HACD2: variants seen among roughly 807,000 people sequenced by gnomAD.
HACD2 encodes 3-hydroxyacyl-CoA dehydratase 2, also known as very-long-chain (3R)-3-hydroxyacyl-CoA dehydratase 2.
HACD2 carries 15 observed loss-of-function variants against 31.0 expected under a neutral mutation model. The ratio of observed to expected loss-of-function variants is 0.48; its 90% CI spans 0.32 to 0.75. HACD2 has a LOEUF of 0.75. Among genes scored for constraint, HACD2 ranks in the 30% least tolerant of loss-of-function variants. The pLI is 0.03. For synonymous variants in HACD2, 115 were observed against 122.2 expected, an observed-to-expected ratio of 0.94 and a Z score of 0.39; for missense variants, 283 against 313.0, an observed-to-expected ratio of 0.90 and a Z score of 0.72.
chr3:123,556,867 T>C (rs2056678010), intron 3 of HACD2, among the ~76,000 whole-genome samples: 1 of 152,204 alleles, frequency 6.6e-6, no homozygotes, highest in Admixed American at 6.5e-5. Context: ...CATTTGTCAT[T>C]AGAGAAATAA....
In HACD2 at chr3:123,582,201, T is replaced by C; in HGVS notation, c.273+11A>G. On this transcript the variant is annotated intron_variant, in intron 2 of 6. Transcript: ENST00000383657. ...TGGAAATCAATAACAACAATAAATC[T>C]CAGGACCTACCTCCAATAAGGCTCC... The C allele has an allele frequency of 3.3e-6, 5 of 1,515,706 alleles. No homozygotes were observed. Among genetic ancestry groups the C allele is most frequent in the Non-Finnish European group, 4.5e-6 (5 of 1,110,124 alleles). 93.9% of individuals were successfully genotyped at this position (1,515,706 alleles called of 1,614,324 possible).
At chr3:123,524,291 A>G (rs2056251821) in intron 4 of HACD2, among the ~76,000 whole-genome samples, 1 of 152,242 alleles carries the variant, frequency 6.6e-6, no homozygotes. Flanking sequence ...TATCAAGTGT[A>G]AGGTGGGTCC....
At chr3:123,510,309 C>T (rs1212662799) in intron 4 of HACD2, among the ~76,000 whole-genome samples, 2 of 152,150 alleles carry the variant, frequency 1.3e-5, no homozygotes, top group African/African-American at 4.8e-5. Flanking sequence ...GTGCAGTGGT[C>T]CAATCTCGGC....
chr3:123,540,962 G>T (rs1249876843), intron 3 of HACD2, among the ~76,000 whole-genome samples: 1 of 152,030 alleles, frequency 6.6e-6, no homozygotes, highest in Non-Finnish European at 1.5e-5. Context: ...ACTTTTTTAT[G>T]CAAAGCTTTT....
chr3:123,505,524 A>C (rs944900045), intron 4 of HACD2, among the ~76,000 whole-genome samples: 18 of 152,256 alleles, frequency 1.2e-4, no homozygotes, highest in Non-Finnish European at 2.2e-4. Flanking sequence ...ATGACTCCAG[A>C]TCAGAATGGA....
intron 3 of HACD2, among the ~76,000 whole-genome samples, chr3:123,532,395 C>T (rs188837750): frequency 6.6e-6 from 1 of 152,318 alleles, no homozygotes; most frequent in Non-Finnish European, 1.5e-5. Context: ...AATGCCTGCT[C>T]TACTGGACCA....
intron 3 of HACD2, among the ~76,000 whole-genome samples, chr3:123,566,291 T>G (rs1340024990): frequency 1.3e-5 from 2 of 152,082 alleles, no homozygotes; most frequent in Admixed American, 6.5e-5. Flanking sequence ...TAAATCCTTT[T>G]TTTTTTATTT....
chr3:123,562,577 A>G (rs1559929797), intron 3 of HACD2, among the ~76,000 whole-genome samples: 2 of 152,166 alleles, frequency 1.3e-5, no homozygotes, highest in Non-Finnish European at 2.9e-5. Context: ...TTATTGGGCA[A>G]TTTTCAATAC....
intron 4 of HACD2, among the ~76,000 whole-genome samples, chr3:123,507,388 GAT>G (rs147698446): frequency 1.3e-5 from 2 of 151,580 alleles, no homozygotes; most frequent in Non-Finnish European, 2.9e-5. Flanking sequence ...AACGACAAGT[GAT>G]ATATATATAT....
intron 4 of HACD2, among the ~76,000 whole-genome samples, chr3:123,509,750 C>T (rs554934127): frequency 7.9e-5 from 12 of 152,156 alleles, no homozygotes; most frequent in East Asian, 2.0e-4. Context: ...CCGCCCGCCT[C>T]GGCCTCCTAA....
rs973311076 is a variant in HACD2 at position 123,585,042 on chromosome 3, G to A, written c.-15C>T. 3 of 1,461,338 alleles carry A rather than the reference G, an allele frequency of 2.1e-6. No homozygotes were observed. The highest frequency in any genetic ancestry group is 1.4e-5 in the South Asian group (1 of 74,036). 90.5% of individuals were successfully genotyped at this position (1,461,338 alleles called of 1,614,324 possible). ...ACTGCCGCCATGTCAAGTGCCCGAA[G>A]CCCGCTCTCCTAGCGCGAGCGGCTC... On this transcript the variant is annotated 5_prime_UTR_variant, in exon 1 of 7. Transcript: ENST00000383657.
rs2056859726 is a variant in HACD2, at chr3:123,571,938, G to T, written c.274-4158C>A. Among the ~76,000 whole-genome samples the T allele has an allele frequency of 2.6e-5, 4 of 152,090 alleles. No individual in the cohort carries two copies. In the South Asian group the frequency reaches 8.3e-4, roughly 32 times the overall value. ...AATGGTCCATTTATATTTGTAGAGG[G>T]GTTGGCCTGGGGAGATATGCAGAAG... On this transcript the variant is annotated intron_variant, in intron 2 of 6. Coordinates refer to ENST00000383657, the MANE Select transcript of HACD2 (RefSeq NM_198402.5).
At chr3:123,529,503 T>C (rs1028881491) in intron 3 of HACD2, among the ~76,000 whole-genome samples, 2 of 152,184 alleles carry the variant, frequency 1.3e-5, no homozygotes, top group African/African-American at 4.8e-5. Context: ...AGCAGGAGAA[T>C]TGCTTGAGTC....
chr3:123,527,315 A>G (rs1318885152), intron 4 of HACD2, among the ~76,000 whole-genome samples: 1 of 152,200 alleles, frequency 6.6e-6, no homozygotes, highest in Admixed American at 6.5e-5. Context: ...ACAGTCCAAA[A>G]ATATTAAATG....
intron 6 of HACD2, among the ~76,000 whole-genome samples, chr3:123,495,512 G>T (rs1269074817): frequency 6.6e-6 from 1 of 151,828 alleles, no homozygotes; most frequent in East Asian, 1.9e-4. Context: ...ACCTCTCTTG[G>T]GAAGTAGTTT....
chr3:123,532,067 T>C (rs916067087), intron 3 of HACD2, among the ~76,000 whole-genome samples: 2 of 152,206 alleles, frequency 1.3e-5, no homozygotes, highest in Non-Finnish European at 2.9e-5. Flanking sequence ...TTATTACCAA[T>C]TTATACTCCC....
chr3:123,518,983 T>G (rs1576744584), intron 4 of HACD2, among the ~76,000 whole-genome samples: 4 of 106,484 alleles, frequency 3.8e-5, no homozygotes, highest in Admixed American at 1.4e-4. Context: ...GATGACAGAG[T>G]GAGACTCCAA....
chr3:123,512,488 T>C (rs778337964), intron 4 of HACD2, among the ~76,000 whole-genome samples: 2 of 151,732 alleles, frequency 1.3e-5, no homozygotes, highest in Non-Finnish European at 2.9e-5. Flanking sequence ...GGTGAGGACA[T>C]GGAAAGGTGA....
In HACD2 at chr3:123,507,993, T is replaced by G. The variant is rs79043307; in HGVS notation, c.382-5312A>C. Among the ~76,000 whole-genome samples the G allele has an allele frequency of 5.4e-5, 8 of 148,890 alleles. No homozygotes were observed. The East Asian group carries it at 1.4e-3, about 25-fold the overall frequency. On this transcript the variant is annotated intron_variant, in intron 4 of 6. Coordinates refer to ENST00000383657, the MANE Select transcript of HACD2 (RefSeq NM_198402.5). ...CTGTGCAACATAGTGAGACCCCCCC[T>G]CTCTTAAAAAAAGAAAAAAAAAGGA...
Sources: allele counts gnomAD v4.1 joint callset (sites outside exome capture counted in the v4.1 genomes callset), GRCh38; gene constraint gnomAD v4.1.1; transcripts MANE v1.5; gene names NCBI Gene and HGNC (gene_info 2026-07-23, HGNC 2026-07-21).